The following MRPS23 variants were observed in gnomAD, a reference collection of about 807,000 sequenced individuals.
MRPS23 encodes mitochondrial ribosomal protein S23, also known as small ribosomal subunit protein mS23.
MRPS23 carries 14 observed loss-of-function variants against 19.8 expected under a neutral mutation model. The observed-to-expected ratio is 0.71, with a 90% CI of 0.47 to 1.11. MRPS23 has a LOEUF of 1.11. Ranked by LOEUF, MRPS23 falls within the 50% of genes least tolerant of loss-of-function variation. The pLI, the probability that MRPS23 is intolerant of heterozygous loss-of-function variation, is 0.00. For synonymous variants in MRPS23, 113 were observed against 89.7 expected, an observed-to-expected ratio of 1.26 and a Z score of -1.47; for missense variants, 242 against 236.7, an observed-to-expected ratio of 1.02 and a Z score of -0.15.
intron 1 of MRPS23, 128 bp downstream of exon 1, chr17:57,849,839 C>T (rs979266792): frequency 3.5e-6 from 4 of 1,128,996 alleles, no homozygotes; most frequent in East Asian, 2.6e-5. Context: ...AGGGCCTCAC[C>T]CAGCTCAGCC....
At chr17:57,849,118 A>G (rs2073795069) in intron 2 of MRPS23, 122 bp downstream of exon 2, 1 of 1,312,342 alleles carries the variant, frequency 7.6e-7, no homozygotes, top group Non-Finnish European at 1.0e-6. Flanking sequence ...ATTTGGCTAG[A>G]TAAGCCTTCT....
intron 2 of MRPS23, among the ~76,000 whole-genome samples, chr17:57,842,204 C>T (rs1281447387): frequency 6.6e-6 from 1 of 152,122 alleles, no homozygotes. Context: ...TGTAGAGATG[C>T]AGTCTCACTA....
intron 4 of MRPS23, among the ~76,000 whole-genome samples, chr17:57,840,162 C>T (rs1597951329): frequency 6.6e-6 from 1 of 152,008 alleles, no homozygotes; most frequent in South Asian, 2.1e-4. Context: ...CTGAGGCGGG[C>T]GGATCACGAG....
In MRPS23 at chr17:57,836,309, C is replaced by G. The variant is rs2073705719; in HGVS notation, c.*3474G>C. Reference sequence around the variant, plus strand: ...TGAATGAAGGCCACAGTAAATGAGGCAGGAGTACAAACAGTAGGCCAGGTA... The same window carrying G: ...TGAATGAAGGCCACAGTAAATGAGGGAGGAGTACAAACAGTAGGCCAGGTA... On this transcript the variant is annotated 3_prime_UTR_variant, in exon 5 of 5. Coordinates refer to ENST00000313608, the MANE Select transcript of MRPS23 (RefSeq NM_016070.4). The G allele has an allele frequency of 6.6e-6, 1 of 152,138 alleles. No homozygotes were observed. The highest frequency in any genetic ancestry group is 2.1e-4 in the South Asian group (1 of 4,824). 9.4% of individuals were successfully genotyped at this position (152,138 alleles called of 1,614,324 possible).
rs1402437092 is a variant in MRPS23, at chr17:57,837,672, TAA to T, written c.*2109_*2110del. ...AGAATTATGCAACAAATAACTTCTT[TAA>T]AAGTCTTCAGCCCCAGTACGGTCGC... On this transcript the variant is annotated 3_prime_UTR_variant, in exon 5 of 5. Coordinates refer to ENST00000313608, the MANE Select transcript of MRPS23 (RefSeq NM_016070.4). The T allele has an allele frequency of 5.3e-5, 8 of 152,232 alleles. No individual in the cohort carries two copies. The highest frequency in any genetic ancestry group is 1.7e-4 in the African/African-American group (7 of 41,546). The allele number at this position is 152,232 out of a possible 1,614,324, so 9.4% of individuals were successfully genotyped here.
chr17:57,849,979 C>T lies in MRPS23; in HGVS notation c.32G>A (p.Ser11Asn). MAGSRLETVG[S>N]IFSRTRDLVR... ...TGGGAGCACACACCGAGAGAAGATG[C>T]TCCCTACGGTTTCCAGCCGGCTGCC... Residue 11 changes from serine to asparagine, a missense_variant, in exon 1 of 5, where the codon AGC becomes AAC. Transcript: ENST00000313608. 1 of 1,590,240 alleles carries T rather than the reference C, an allele frequency of 6.3e-7. No homozygotes were observed. The highest frequency in any genetic ancestry group is 8.5e-7 in the Non-Finnish European group (1 of 1,174,506).
At chr17:57,846,967 AAAG>A (rs1228230433) in intron 2 of MRPS23, among the ~76,000 whole-genome samples, 1 of 151,494 alleles carries the variant, frequency 6.6e-6, no homozygotes, top group Non-Finnish European at 1.5e-5. Flanking sequence ...AAAATAAAAA[AAAG>A]AAAAAATAGA....
intron 2 of MRPS23, 101 bp from the exon 3 acceptor site, chr17:57,841,361 AG>A: frequency 1.6e-6 from 2 of 1,244,212 alleles, no homozygotes; most frequent in South Asian, 2.6e-5. Flanking sequence ...TGAGGAGTTA[AG>A]TACGGTATAA....
chr17:57,848,433 G>A (rs1236253329), intron 2 of MRPS23, among the ~76,000 whole-genome samples: 1 of 152,000 alleles, frequency 6.6e-6, no homozygotes, highest in African/African-American at 2.4e-5. Flanking sequence ...GGAGTGCAGT[G>A]GTGGGATCTC....
chr17:57,840,904 A>C (rs774237871), intron 4 of MRPS23, 22 bp downstream of exon 4: 1 of 1,613,230 alleles, frequency 6.2e-7, no homozygotes, highest in Non-Finnish European at 8.5e-7. Context: ...CCCAGTAACA[A>C]TTTTAACAAT....
chr17:57,842,220 C>T (rs1216352919), intron 2 of MRPS23, among the ~76,000 whole-genome samples: 1 of 152,192 alleles, frequency 6.6e-6, no homozygotes, highest in African/African-American at 2.4e-5. Context: ...CACTATGTTG[C>T]CCAGGCTGGT....
In MRPS23 at chr17:57,839,646, C is replaced by T. The variant is rs992171808; in HGVS notation, c.*137G>A. ...CCATGATACTGAGCTTTGTGACAAC[C>T]CAGAAATAACTAAGAGAAGGCAAAC... is the stretch of plus-strand genomic sequence containing the variant. On this transcript the variant is annotated 3_prime_UTR_variant, in exon 5 of 5. Transcript: ENST00000313608. 265 of 1,129,794 alleles carry T rather than the reference C, an allele frequency of 2.3e-4. 1 individual carries two copies. Among genetic ancestry groups the T allele is most frequent in the Non-Finnish European group, 4.6e-5 (38 of 819,774 alleles). The allele number at this position is 1,129,794 out of a possible 1,614,324, so 70.0% of individuals were successfully genotyped here. A position where few individuals can be genotyped will look rare whatever the true frequency, so the allele number is the denominator to read the frequency against.
chr17:57,835,952 C>CTTTTTTTTTTT lies in MRPS23; in HGVS notation c.*3820_*3830dup, dbSNP rs11304363. The CTTTTTTTTTTT allele has an allele frequency of 2.2e-5, 3 of 135,256 alleles. 1 individual carries two copies. The highest frequency in any genetic ancestry group is 4.8e-5 in the Non-Finnish European group (3 of 62,630). The allele number at this position is 135,256 out of a possible 1,614,324, so 8.4% of individuals were successfully genotyped here. ...ATAAGAATTTCTGCCCTCCTTTATA[C>CTTTTTTTTTTT]TTTTTTTTTTTTTTTTTTTGAGACA... On this transcript the variant is annotated 3_prime_UTR_variant, in exon 5 of 5. Transcript: ENST00000313608.
In MRPS23 at chr17:57,839,784, C is replaced by T. The variant is rs1443745280; in HGVS notation, c.572G>A (p.Ter191=). Residue 191 remains the stop codon, a stop_retained_variant, in exon 5 of 5, where the codon TGA becomes TAA. Transcript: ENST00000313608. ...CAGCATACACAGTATACAGGTCCTTCAGGGAGGCAAGAGACCTTTCGACTG... is the reference window on the plus strand; with the variant it reads ...CAGCATACACAGTATACAGGTCCTTTAGGGAGGCAAGAGACCTTTCGACTG... ...ADQSKGLLPP[*] is the part of the protein sequence containing the mutation. 3.1e-6 allele frequency: 5 copies of T among 1,613,906 alleles called. No homozygotes were observed. In the Admixed American group the frequency reaches 8.3e-5, roughly 27 times the overall value.
intron 1 of MRPS23, chr17:57,849,757 T>C: frequency 1.5e-6 from 1 of 658,744 alleles, no homozygotes; most frequent in East Asian, 2.8e-5. Flanking sequence ...TGCAATAATC[T>C]TTAACATGAC....
intron 2 of MRPS23, chr17:57,848,919 TCCTTA>T: frequency 4.6e-6 from 1 of 218,450 alleles, no homozygotes; most frequent in African/African-American, 2.4e-5. Context: ...AAGAATGCCT[TCCTTA>T]CAAGTTAGAG....
At position 57,837,474 on chromosome 17, in the gene MRPS23, A is replaced by G. The variant is rs950851790; in HGVS notation, c.*2309T>C. 1 of 152,244 alleles carries G rather than the reference A, an allele frequency of 6.6e-6. No individual in the cohort carries two copies. Among genetic ancestry groups the G allele is most frequent in the Admixed American group, 6.5e-5 (1 of 15,280 alleles). The allele number at this position is 152,244 out of a possible 1,614,324, so 9.4% of individuals were successfully genotyped here. On this transcript the variant is annotated 3_prime_UTR_variant, in exon 5 of 5. Transcript: ENST00000313608. ...CATAGTAACTAGAAAAGCAAGGTAC[A>G]GAACAGTATGCATAGTGTCCTGTCC...
intron 2 of MRPS23, among the ~76,000 whole-genome samples, chr17:57,842,221 C>T (rs2586039): frequency 0.32 from 48,736 of 152,030 alleles, 9,200 homozygotes; most frequent in East Asian, 0.75. Context: ...ACTATGTTGC[C>T]CAGGCTGGTC....
rs182275594 is a variant in MRPS23 at position 57,841,462 on chromosome 17, G to A, written c.216-202C>T. 6.7e-3 allele frequency among the ~76,000 whole-genome samples: 1,022 copies of A among 152,268 alleles called. 6 individuals carry two copies. Among genetic ancestry groups the A allele is most frequent in the Non-Finnish European group, 9.3e-3 (631 of 68,020 alleles). The stretch of plus-strand genomic sequence containing the variant: ...AATACATCAAATAGCACAAAAGGGT[G>A]GCCAGTGAAAAGTAACACTCCCTCC... On this transcript the variant is annotated intron_variant, in intron 2 of 4. Coordinates refer to ENST00000313608, the MANE Select transcript of MRPS23 (RefSeq NM_016070.4).
Sources: gnomAD v4.1 joint callset for allele counts (sites outside exome capture counted in the v4.1 genomes callset) on GRCh38, gnomAD v4.1.1 for gene constraint, MANE v1.5 for transcripts, NCBI Gene and HGNC (gene_info 2026-07-23, HGNC 2026-07-21) for gene names.